CRIM1: variants seen among roughly 807,000 people sequenced by gnomAD.
CRIM1 encodes the protein cysteine rich transmembrane BMP regulator 1.
A neutral mutation model predicts 116.4 loss-of-function variants in CRIM1; 32 were observed. The observed-to-expected ratio is 0.27, with a 90% CI of 0.21 to 0.37. CRIM1 has a LOEUF of 0.37. CRIM1 is among the 10% of genes least tolerant of loss of function. CRIM1 has a pLI of 1.00. For synonymous variants in CRIM1, 590 were observed against 509.2 expected (o/e 1.16, Z -2.13); for missense variants, 1,331 against 1,354.8 (o/e 0.98, Z 0.28).
intron 5 of CRIM1, among the ~76,000 whole-genome samples, chr2:36,465,074 C>T (rs141271145): frequency 5.3e-5 from 8 of 152,328 alleles, no homozygotes; most frequent in African/African-American, 1.9e-4. Flanking sequence ...CATGGCTCAT[C>T]TTGTTTAGCA....
At chr2:36,516,133 T>G (rs576068852) in intron 11 of CRIM1, among the ~76,000 whole-genome samples, 8 of 152,358 alleles carry the variant, frequency 5.3e-5, no homozygotes, top group African/African-American at 1.9e-4. Context: ...TGTTACCCTC[T>G]TAACTGGAAA....
chr2:36,412,359 G>A (rs528073877), intron 2 of CRIM1, among the ~76,000 whole-genome samples: 6 of 152,300 alleles, frequency 3.9e-5, no homozygotes, highest in South Asian at 2.1e-4. Flanking sequence ...AGATTTCTGC[G>A]TTTAACCCAT....
At chr2:36,426,683 C>T (rs1238662693) in intron 2 of CRIM1, among the ~76,000 whole-genome samples, 6 of 152,276 alleles carry the variant, frequency 3.9e-5, no homozygotes, top group African/African-American at 1.4e-4. Context: ...TGAGCCAGTC[C>T]ATCAAGCTCC....
chr2:36,402,978 C>A (rs143147588), intron 2 of CRIM1, among the ~76,000 whole-genome samples: 6 of 152,078 alleles, frequency 3.9e-5, no homozygotes, highest in African/African-American at 1.4e-4. Context: ...TACATACATG[C>A]TCTATGGTGT....
At chr2:36,512,679 A>G (rs1254549897) in intron 10 of CRIM1, among the ~76,000 whole-genome samples, 1 of 152,192 alleles carries the variant, frequency 6.6e-6, no homozygotes, top group Non-Finnish European at 1.5e-5. Context: ...CTAAAGCACA[A>G]TTATCTGAAC....
intron 7 of CRIM1, among the ~76,000 whole-genome samples, chr2:36,480,215 G>A (rs897000987): frequency 5.9e-5 from 9 of 152,126 alleles, no homozygotes; most frequent in African/African-American, 1.7e-4. Flanking sequence ...TATTTATGTC[G>A]TGGTTACCTG....
Position 36,356,416 on chromosome 2 carries a change from G to C in CRIM1, c.124G>C (p.Glu42Gln). Residue 42 changes from glutamate to glutamine, a missense_variant, in exon 1 of 17, where the codon GAG (glutamate) becomes CAG (glutamine). By Grantham distance (29) the Glu-to-Gln change is conservative (BLOSUM62 2). This residue lies in a region of CRIM1 where 690 missense variants were observed against 676.0 expected (regional missense o/e 1.02). Coordinates refer to ENST00000280527, the MANE Select transcript of CRIM1 (RefSeq NM_016441.3). The surrounding 1 kb of genome is among the most constrained non-coding windows in gnomAD (Gnocchi z 4.3). ...GGCGCTGGTCTGCCTGCCCTGTGAC[G>C]AGTCCAAGTGCGAGGAGCCCAGGAA... ...TRALVCLPCD[E>Q]SKCEEPRNCP... The C allele has an allele frequency of 1.2e-6, 2 of 1,610,206 alleles. No individual in the cohort carries two copies. The highest frequency in any genetic ancestry group is 1.7e-5 in the Admixed American group (1 of 59,866).
chr2:36,402,760 G>A (rs138143897), intron 2 of CRIM1, among the ~76,000 whole-genome samples: 1 of 150,982 alleles, frequency 6.6e-6, no homozygotes, highest in African/African-American at 2.4e-5. Flanking sequence ...ATTAGCAGGA[G>A]TTGTTAATAT....
At chr2:36,493,457 A>G (rs1191999059) in intron 7 of CRIM1, among the ~76,000 whole-genome samples, 1 of 152,200 alleles carries the variant, frequency 6.6e-6, no homozygotes, top group African/African-American at 2.4e-5. Context: ...GCAGTCCTAG[A>G]GACCATCAGA....
At chr2:36,383,057 A>G (rs1431016748) in intron 1 of CRIM1, among the ~76,000 whole-genome samples, 1 of 152,168 alleles carries the variant, frequency 6.6e-6, no homozygotes, top group Non-Finnish European at 1.5e-5. Flanking sequence ...TGTTTTTGAG[A>G]CTTCTTTTCC....
chr2:36,454,696 G>A (rs1020867278), intron 4 of CRIM1, among the ~76,000 whole-genome samples: 4 of 152,022 alleles, frequency 2.6e-5, no homozygotes, highest in Admixed American at 1.3e-4. Flanking sequence ...TTAAAAACTG[G>A]CATACTTCAC....
At chr2:36,485,932 A>G (rs1348887653) in intron 7 of CRIM1, among the ~76,000 whole-genome samples, 1 of 152,230 alleles carries the variant, frequency 6.6e-6, no homozygotes, top group Non-Finnish European at 1.5e-5. Flanking sequence ...AAAATATAAC[A>G]CAGTCTATTT....
rs945895468 is a variant in CRIM1, at chr2:36,356,134, C to T, written c.-159C>T. The T allele has an allele frequency of 1.8e-5, 3 of 166,862 alleles. No homozygotes were observed. Among genetic ancestry groups the T allele is most frequent in the Non-Finnish European group, 2.5e-5 (2 of 80,252 alleles). 10.3% of individuals were successfully genotyped at this position (166,862 alleles called of 1,614,324 possible). ...CGGCCCGCAGAAGGGGCGGGGGCCT[C>T]GCCCCGCGAGGGGAGGCGCGCCCCG... is the stretch of plus-strand genomic sequence containing the variant. On this transcript the variant is annotated 5_prime_UTR_variant, in exon 1 of 17. Coordinates refer to ENST00000280527, the MANE Select transcript of CRIM1 (RefSeq NM_016441.3). The surrounding 1 kb of genome is among the most constrained non-coding windows in gnomAD (Gnocchi z 4.3).
intron 1 of CRIM1, among the ~76,000 whole-genome samples, chr2:36,380,002 A>G (rs569340383): frequency 3.2e-4 from 48 of 151,962 alleles, no homozygotes; most frequent in African/African-American, 8.7e-4. Flanking sequence ...TTCTCCATGG[A>G]CTGTCTTACA....
intron 1 of CRIM1, among the ~76,000 whole-genome samples, chr2:36,373,648 G>C (rs1349884044): frequency 6.6e-6 from 1 of 152,152 alleles, no homozygotes; most frequent in Non-Finnish European, 1.5e-5. Context: ...CAGAATGGCC[G>C]TGGGAAGGTA....
chr2:36,503,483 ATCT>A (rs1398897682), intron 8 of CRIM1, among the ~76,000 whole-genome samples: 1 of 152,144 alleles, frequency 6.6e-6, no homozygotes, highest in Non-Finnish European at 1.5e-5. Context: ...ATTTTATAGC[ATCT>A]TCTTCTGAGT....
chr2:36,541,579 G>T (rs1165984159), intron 14 of CRIM1, among the ~76,000 whole-genome samples: 3 of 152,078 alleles, frequency 2.0e-5, no homozygotes, highest in African/African-American at 7.2e-5. Context: ...CAAGCACCTC[G>T]CCCCGTATTC....
rs1362380286 is a variant in CRIM1, at chr2:36,550,309, TTGTAGTA to T, written c.*1611_*1617del. The stretch of plus-strand genomic sequence containing the variant: ...TTGTCCACAATAAGCTGGAAGTTTG[TTGTAGTA>T]TGCCTCAAATATAACTGACTGTATA... On this transcript the variant is annotated 3_prime_UTR_variant, in exon 17 of 17. Transcript: ENST00000280527. 6.6e-6 allele frequency: 1 copy of T among 152,364 alleles called. No individual in the cohort carries two copies. The highest frequency in any genetic ancestry group is 2.4e-5 in the African/African-American group (1 of 41,310). 9.4% of individuals were successfully genotyped at this position (152,364 alleles called of 1,614,324 possible).
rs753638084 is a variant in CRIM1, at chr2:36,356,646, C to G, written c.331+23C>G. On this transcript the variant is annotated intron_variant, in intron 1 of 16. Coordinates refer to ENST00000280527, the MANE Select transcript of CRIM1 (RefSeq NM_016441.3). The surrounding 1 kb of genome is among the most constrained non-coding windows in gnomAD (Gnocchi z 4.3). ...AAGGTACGGCCGCCCGCTGCGGGCC[C>G]CCTCCCACCTGGCCTGCGCCGCCCC... The G allele has an allele frequency of 2.5e-6, 4 of 1,593,800 alleles. No individual in the cohort carries two copies. Among genetic ancestry groups the G allele is most frequent in the Non-Finnish European group, 8.5e-7 (1 of 1,172,142 alleles).
Sources: allele counts gnomAD v4.1 joint callset (sites outside exome capture counted in the v4.1 genomes callset), GRCh38; gene constraint gnomAD v4.1.1; regional missense constraint gnomAD v4.1.1; non-coding constraint Gnocchi (gnomAD v3.1); transcripts MANE v1.5; gene names NCBI Gene and HGNC (gene_info 2026-07-23, HGNC 2026-07-21).